RIMS2: variants seen among roughly 807,000 people sequenced by gnomAD.
RIMS2 encodes the protein regulating synaptic membrane exocytosis protein 2.
Under a neutral mutation model 174.4 loss-of-function variants are expected in RIMS2, and 59 were observed. The ratio of observed to expected loss-of-function variants is 0.34; its 90% CI spans 0.27 to 0.42. The LOEUF is 0.42. Among genes scored for constraint, RIMS2 ranks in the 10% least tolerant of loss-of-function variants. The pLI is 1.00. For synonymous variants in RIMS2, 606 were observed against 572.5 expected (o/e 1.06, Z -0.84); for missense variants, 1,620 against 1,666.3 (o/e 0.97, Z 0.48).
intron 1 of RIMS2, among the ~76,000 whole-genome samples, chr8:103,574,631 T>G (rs1007573538): frequency 1.3e-5 from 2 of 152,238 alleles, no homozygotes; most frequent in African/African-American, 4.8e-5. Context: ...ATAAATATGC[T>G]TCTTGGTCTT....
chr8:104,021,057 AT>A (rs1158538906), intron 19 of RIMS2, among the ~76,000 whole-genome samples: 1 of 152,022 alleles, frequency 6.6e-6, no homozygotes, highest in Non-Finnish European at 1.5e-5. Flanking sequence ...GTTCTATATC[AT>A]AAAATTTGGC....
chr8:104,102,828 C>G (rs1261266079), intron 19 of RIMS2, among the ~76,000 whole-genome samples: 1 of 152,150 alleles, frequency 6.6e-6, no homozygotes, highest in African/African-American at 2.4e-5. Context: ...CCACCCAATC[C>G]CTCCAATGAC....
Position 103,543,285 on chromosome 8 carries a change from T to A in RIMS2, c.176+42223T>A, listed in dbSNP as rs538509975. Among the ~76,000 whole-genome samples the A allele has an allele frequency of 2.8e-4, 42 of 152,090 alleles. No individual in the cohort carries two copies. In the South Asian group the frequency reaches 8.7e-3, roughly 32 times the overall value. On this transcript the variant is annotated intron_variant, in intron 1 of 23. Coordinates refer to ENST00000504942, the Ensembl canonical transcript of RIMS2. ...CTGTTTACAATAGCTACAAAAAATA[T>A]CTAGGAATAAATGTAACCAAGGAGG...
intron 17 of RIMS2, among the ~76,000 whole-genome samples, chr8:103,990,107 T>G (rs2094589254): frequency 6.6e-6 from 1 of 152,134 alleles, no homozygotes; most frequent in Non-Finnish European, 1.5e-5. Flanking sequence ...ATACATGAAG[T>G]AAATGCCATT....
chr8:104,173,436 T>G (rs1486665543), intron 19 of RIMS2, among the ~76,000 whole-genome samples: 1 of 152,074 alleles, frequency 6.6e-6, no homozygotes, highest in African/African-American at 2.4e-5. Context: ...AGGATAACAA[T>G]GACTCTATTA....
rs374369897 is a variant in RIMS2 at position 104,243,457 on chromosome 8, C to T, written c.3335-1459C>T. ...ATCCCAGCACTTTGGGAGGCCAAGG[C>T]GGGCAAATGACAAGGTCAGGAGTTC... On this transcript the variant is annotated intron_variant, in intron 19 of 23. Coordinates refer to ENST00000504942, the Ensembl canonical transcript of RIMS2. 7.2e-5 allele frequency among the ~76,000 whole-genome samples: 11 copies of T among 152,198 alleles called. No individual in the cohort carries two copies. In the East Asian group the frequency reaches 1.7e-3, roughly 24 times the overall value.
chr8:103,503,920 T>G (rs565302505), intron 1 of RIMS2, among the ~76,000 whole-genome samples: 6 of 152,208 alleles, frequency 3.9e-5, no homozygotes, highest in South Asian at 4.1e-4. Flanking sequence ...GCCTGAATAA[T>G]TAAAAGCTAT....
intron 19 of RIMS2, among the ~76,000 whole-genome samples, chr8:104,234,376 G>T (rs1320463545): frequency 6.6e-6 from 1 of 151,796 alleles, no homozygotes; most frequent in Non-Finnish European, 1.5e-5. Context: ...ACAGGCACAG[G>T]TATCAGTGGA....
chr8:103,591,017 A>G (rs1029116830), intron 1 of RIMS2, among the ~76,000 whole-genome samples: 5 of 150,820 alleles, frequency 3.3e-5, no homozygotes, highest in Non-Finnish European at 3.0e-5. Flanking sequence ...AAGGTATTTT[A>G]TACCTTTTGG....
intron 8 of RIMS2, 124 bp from the exon 12 acceptor site, chr8:103,918,317 A>T (rs1279902082): frequency 9.5e-6 from 5 of 524,208 alleles, no homozygotes; most frequent in Non-Finnish European, 1.7e-5. Flanking sequence ...ATATAATGCC[A>T]CTATTATACA....
At chr8:103,606,700 A>C (rs1254790395) in intron 1 of RIMS2, among the ~76,000 whole-genome samples, 2 of 151,946 alleles carry the variant, frequency 1.3e-5, no homozygotes. Context: ...TTGGGTGCAT[A>C]TATATTTAGG....
exon 13 of RIMS2, chr8:103,936,641 A>G (rs1416898341): frequency 3.7e-6 from 6 of 1,612,362 alleles, no homozygotes; most frequent in Non-Finnish European, 5.1e-6. Context: ...TCCACCGAAG[A>G]GAATTTCGGG....
chr8:103,916,652 A>G, intron 8 of RIMS2, 115 bp downstream of exon 11: 1 of 837,458 alleles, frequency 1.2e-6, no homozygotes, highest in Non-Finnish European at 1.8e-6. Context: ...TTTGTAGACA[A>G]TAACTTTTTC....
chr8:104,093,487 A>T, intron 19 of RIMS2: 1 of 1,596,674 alleles, frequency 6.3e-7, no homozygotes, highest in Non-Finnish European at 8.5e-7. Flanking sequence ...TCAGGATGGG[A>T]TCCTCATAGA....
chr8:103,519,852 G>A (rs1830788927), intron 1 of RIMS2, among the ~76,000 whole-genome samples: 1 of 150,164 alleles, frequency 6.7e-6, no homozygotes, highest in Non-Finnish European at 1.5e-5. Context: ...TTTCCTCTTA[G>A]AAACCCTGTA....
chr8:104,147,185 T>C (rs2098647634), intron 19 of RIMS2, among the ~76,000 whole-genome samples: 2 of 152,050 alleles, frequency 1.3e-5, no homozygotes, highest in African/African-American at 4.8e-5. Flanking sequence ...TCTCATCTCT[T>C]TTCTCTTCTC....
At chr8:103,607,081 A>G (rs2095133412) in intron 1 of RIMS2, among the ~76,000 whole-genome samples, 1 of 149,024 alleles carries the variant, frequency 6.7e-6, no homozygotes, top group African/African-American at 2.5e-5. Flanking sequence ...TAGTTGATGC[A>G]GTTTCTTCCT....
intron 19 of RIMS2, among the ~76,000 whole-genome samples, chr8:104,115,424 CT>C (rs1404033252): frequency 1.3e-5 from 2 of 151,866 alleles, no homozygotes; most frequent in African/African-American, 4.8e-5. Flanking sequence ...TTATTATAAA[CT>C]AAATCTTTAA....
chr8:104,118,362 G>GT (rs1303922869), intron 19 of RIMS2, among the ~76,000 whole-genome samples: 157 of 108,518 alleles, frequency 1.4e-3, no homozygotes, highest in African/African-American at 5.4e-3. Context: ...TTGTTTTTTT[G>GT]TTTTTTTGTT....
Sources: allele counts gnomAD v4.1 joint callset (sites outside exome capture counted in the v4.1 genomes callset), GRCh38; gene constraint gnomAD v4.1.1; transcripts MANE v1.5; gene names NCBI Gene and HGNC (gene_info 2026-07-23, HGNC 2026-07-21).